The following HERC1 variants were observed in gnomAD, a reference collection of about 807,000 sequenced individuals.
The protein encoded by HERC1 is probable E3 ubiquitin-protein ligase HERC1.
A neutral mutation model predicts 554.3 loss-of-function variants in HERC1; 160 were observed. The ratio of observed to expected loss-of-function variants is 0.29; its 90% confidence interval spans 0.25 to 0.33. The LOEUF is 0.33. Ranked by LOEUF, HERC1 falls within the 10% of genes least tolerant of loss-of-function variation. The pLI is 1.00. For missense variants in HERC1, 4,919 were observed against 5,918.5 expected (o/e 0.83, Z 5.54); for synonymous variants, 2,175 against 2,131.7 (o/e 1.02, Z -0.56).
chr15:63,671,597 G>A (rs748247572), intron 39 of HERC1, among the ~76,000 whole-genome samples: 18 of 152,104 alleles, frequency 1.2e-4, no homozygotes, highest in Non-Finnish European at 2.4e-4. Context: ...AATCACTAGA[G>A]AAACTTAATT....
intron 12 of HERC1, among the ~76,000 whole-genome samples, chr15:63,744,164 G>GTGTGTGTCTCTC: frequency 1.7e-4 from 8 of 46,308 alleles, no homozygotes; most frequent in South Asian, 1.3e-3. Context: ...GTGTGTGTGT[G>GTGTGTGTCTCTC]TCTCTCTCTC....
intron 43 of HERC1, among the ~76,000 whole-genome samples, chr15:63,663,901 T>C (rs1414169257): frequency 5.3e-5 from 8 of 152,288 alleles, no homozygotes; most frequent in South Asian, 4.1e-4. Flanking sequence ...ACTCATGTTA[T>C]AGTATTTCAG....
intron 24 of HERC1, among the ~76,000 whole-genome samples, chr15:63,709,330 T>G (rs536676213): frequency 1.3e-4 from 20 of 151,158 alleles, no homozygotes; most frequent in East Asian, 7.8e-4. Context: ...TAAAAATGGG[T>G]TTTTTTTTAG....
chr15:63,706,715 C>CT (rs34366173), intron 25 of HERC1, 65 bp downstream of exon 25: 12,327 of 676,640 alleles, frequency 0.018, 1 homozygote, highest in East Asian at 0.07. Context: ...TTACTATGCT[C>CT]TTTTTTTTTT....
rs78063383 is a variant in HERC1 at position 63,641,333 on chromosome 15, C to T, written c.11607+137G>A. 8.6e-3 allele frequency: 5,378 copies of T among 626,624 alleles called. 37 individuals carry two copies. The highest frequency in any genetic ancestry group is 0.012 in the Middle Eastern group (25 of 2,114). 38.8% of individuals were successfully genotyped at this position (626,624 alleles called of 1,614,324 possible). A position where few individuals can be genotyped will look rare whatever the true frequency, so the allele number is the denominator to read the frequency against. ...GAACAACTCTTTTAGGCATGACTTACCTTCATTTGATTCTGCCCAAATAGC... is the reference window on the plus strand; with the variant it reads ...GAACAACTCTTTTAGGCATGACTTATCTTCATTTGATTCTGCCCAAATAGC... On this transcript the variant is annotated intron_variant, in intron 60 of 77. Coordinates refer to ENST00000443617, the MANE Select transcript of HERC1 (RefSeq NM_003922.4).
Position 63,733,039 on chromosome 15 carries a change from C to G in HERC1, c.2753G>C (p.Cys918Ser). The G allele has an allele frequency of 5.0e-6, 8 of 1,613,862 alleles. No individual in the cohort carries two copies. Among genetic ancestry groups the G allele is most frequent in the Non-Finnish European group, 5.9e-6 (7 of 1,179,764 alleles). Residue 918 changes from cysteine to serine, a missense_variant, in exon 14 of 78, where the codon TGT becomes TCT. By Grantham distance (112) the Cys-to-Ser change is moderately radical. This residue lies in a region of HERC1 where 744 missense variants were observed against 1,090.0 expected (regional missense o/e 0.68). Coordinates refer to ENST00000443617, the MANE Select transcript of HERC1 (RefSeq NM_003922.4). ...PSDAADLSSV[C>S]TGYGNLSDQP... ...ATCTGACAGATTTCCGTAGCCAGTA[C>G]ACACAGAAGATAGGTCAGCAGCATC...
At chr15:63,681,688 G>C (rs1218692288) in intron 34 of HERC1, among the ~76,000 whole-genome samples, 9 of 152,110 alleles carry the variant, frequency 5.9e-5, no homozygotes, top group Non-Finnish European at 1.2e-4. Context: ...TCTCCTTCTG[G>C]GAGTATGAAA....
intron 25 of HERC1, among the ~76,000 whole-genome samples, chr15:63,706,352 C>T (rs144463337): frequency 2.6e-4 from 39 of 152,162 alleles, no homozygotes; most frequent in African/African-American, 8.2e-4. Context: ...TTTATTTCAA[C>T]GTGTGTGTAC....
At chr15:63,622,508 T>C (rs916757539) in intron 74 of HERC1, among the ~76,000 whole-genome samples, 2 of 152,060 alleles carry the variant, frequency 1.3e-5, no homozygotes, top group Non-Finnish European at 2.9e-5. Context: ...AATTTTTGCA[T>C]TTTTAGTAGA....
At chr15:63,633,433 T>C (rs1038539754) in intron 67 of HERC1, among the ~76,000 whole-genome samples, 2 of 152,226 alleles carry the variant, frequency 1.3e-5, no homozygotes, top group African/African-American at 4.8e-5. Context: ...ATTTCCTTTG[T>C]ATTGTTTTCT....
chr15:63,725,272 G>A lies in HERC1; in HGVS notation c.3568+20C>T, dbSNP rs1315708499. ...GTACAAACAGGCATGTATTTTAAAT[G>A]CTGCAGAGAAGCACATTACCCAATT... On this transcript the variant is annotated intron_variant, in intron 18 of 77. Transcript: ENST00000443617. 2 of 1,597,850 alleles carry A rather than the reference G, an allele frequency of 1.3e-6. No individual in the cohort carries two copies. Among genetic ancestry groups the A allele is most frequent in the Admixed American group, 1.7e-5 (1 of 59,420 alleles).
At chr15:63,818,967 T>C (rs1005767363) in intron 1 of HERC1, among the ~76,000 whole-genome samples, 9 of 152,262 alleles carry the variant, frequency 5.9e-5, no homozygotes, top group African/African-American at 2.2e-4. Context: ...TCTAAATTTA[T>C]GTAAAACGCC....
At chr15:63,622,722 T>A in intron 74 of HERC1, 93 bp downstream of exon 74, 1 of 940,106 alleles carries the variant, frequency 1.1e-6, no homozygotes, top group South Asian at 1.7e-5. Flanking sequence ...TGTAAAGCAC[T>A]TAAAACAGGA....
chr15:63,622,971 G>A, intron 73 of HERC1, 80 bp from the exon 74 acceptor site: 1 of 773,888 alleles, frequency 1.3e-6, no homozygotes, highest in Non-Finnish European at 2.1e-6. Flanking sequence ...AGATCATACT[G>A]AAAAGAGAAT....
Position 63,608,875 on chromosome 15 carries a change from T to C in HERC1, c.*206A>G. ...GAGGGAAAAACCTGACTGAGAGCAC[T>C]TCGTTTTTGTTGTTTTTGTACAATC... is the stretch of plus-strand genomic sequence containing the variant. On this transcript the variant is annotated 3_prime_UTR_variant, in exon 78 of 78. Coordinates refer to ENST00000443617, the MANE Select transcript of HERC1 (RefSeq NM_003922.4). 2.2e-6 allele frequency: 1 copy of C among 447,814 alleles called. No individual in the cohort carries two copies. The highest frequency in any genetic ancestry group is 3.8e-6 in the Non-Finnish European group (1 of 265,280). 27.7% of individuals were successfully genotyped at this position (447,814 alleles called of 1,614,324 possible). A position where few individuals can be genotyped will look rare whatever the true frequency, so the allele number is the denominator to read the frequency against.
At chr15:63,773,993 A>T (rs2076036740) in intron 2 of HERC1, among the ~76,000 whole-genome samples, 1 of 152,124 alleles carries the variant, frequency 6.6e-6, no homozygotes, top group South Asian at 2.1e-4. Context: ...CAAATAATTA[A>T]TTTCCTCTGA....
chr15:63,737,910 T>C (rs1033061062), intron 12 of HERC1, among the ~76,000 whole-genome samples: 2 of 152,184 alleles, frequency 1.3e-5, no homozygotes, highest in Admixed American at 6.5e-5. Flanking sequence ...AAAAATGATT[T>C]CCAATTTAGA....
At position 63,756,388 on chromosome 15, in the gene HERC1, C is replaced by T. The variant is rs376192663; in HGVS notation, c.1533+49G>A. The stretch of plus-strand genomic sequence containing the variant: ...AAAATCTGAACGACATTGTCAATTA[C>T]AACTCCAATGCATCTAATTATTTTT... On this transcript the variant is annotated intron_variant, in intron 5 of 77. Coordinates refer to ENST00000443617, the MANE Select transcript of HERC1 (RefSeq NM_003922.4). This position sits in a 1 kb window ranked among gnomAD's most constrained non-coding sequence, Gnocchi z 5.0. 1 of 1,441,202 alleles carries T rather than the reference C, an allele frequency of 6.9e-7. No homozygotes were observed. Among genetic ancestry groups the T allele is most frequent in the Non-Finnish European group, 9.5e-7 (1 of 1,049,898 alleles). 89.3% of individuals were successfully genotyped at this position (1,441,202 alleles called of 1,614,324 possible). A position where few individuals can be genotyped will look rare whatever the true frequency, so the allele number is the denominator to read the frequency against.
At chr15:63,827,395 G>A (rs1001621270) in intron 1 of HERC1, among the ~76,000 whole-genome samples, 1 of 151,622 alleles carries the variant, frequency 6.6e-6, no homozygotes, top group Non-Finnish European at 1.5e-5. Flanking sequence ...CTGCACTCCA[G>A]CCTGAGCAAC....
Sources: allele counts gnomAD v4.1 joint callset (sites outside exome capture counted in the v4.1 genomes callset), GRCh38; gene constraint gnomAD v4.1.1; regional missense constraint gnomAD v4.1.1; non-coding constraint Gnocchi (gnomAD v3.1); transcripts MANE v1.5; gene names NCBI Gene and HGNC (gene_info 2026-07-23, HGNC 2026-07-21).